Variants in RGS7 observed in about 807,000 individuals in gnomAD.
RGS7 encodes the protein regulator of G protein signaling 7, also known as regulator of G-protein signaling 7.
RGS7 carries 27 observed loss-of-function variants against 81.1 expected under a neutral mutation model. That is an observed-to-expected ratio of 0.33 (90% CI 0.25 to 0.46). The LOEUF (loss-of-function observed/expected upper bound fraction) is 0.46. RGS7 is among the 20% of genes least tolerant of loss of function. The pLI, the probability that RGS7 is intolerant of heterozygous loss-of-function variation, is 1.00. For missense variants in RGS7, 396 were observed against 607.4 expected, an observed-to-expected ratio of 0.65 and a Z score of 3.66; for synonymous variants, 208 against 207.7, an observed-to-expected ratio of 1.00 and a Z score of -0.01.
chr1:241,025,130 A>G (rs943492144), intron 3 of RGS7, among the ~76,000 whole-genome samples: 1 of 152,188 alleles, frequency 6.6e-6, no homozygotes, highest in Non-Finnish European at 1.5e-5. Flanking sequence ...TGAAAGGCAA[A>G]GTATTTTAGG....
chr1:241,322,433 G>T (rs910642830), intron 2 of RGS7, among the ~76,000 whole-genome samples: 2 of 152,178 alleles, frequency 1.3e-5, no homozygotes, highest in African/African-American at 4.8e-5. Flanking sequence ...CTCTTTAACT[G>T]ATACTAAAAG....
At chr1:240,949,611 G>A (rs935857713) in intron 4 of RGS7, among the ~76,000 whole-genome samples, 7 of 152,116 alleles carry the variant, frequency 4.6e-5, no homozygotes, top group Non-Finnish European at 8.8e-5. Flanking sequence ...ATTTTGGGAG[G>A]CCAAGGTGGG....
chr1:241,121,457 CAAT>C (rs1201317630), intron 2 of RGS7, among the ~76,000 whole-genome samples: 1 of 152,056 alleles, frequency 6.6e-6, no homozygotes, highest in East Asian at 1.9e-4. Context: ...AGAGCAGCAA[CAAT>C]AAAATCATCA....
intron 3 of RGS7, among the ~76,000 whole-genome samples, chr1:241,085,282 T>C (rs1184203040): frequency 2.6e-5 from 4 of 152,204 alleles, no homozygotes; most frequent in Admixed American, 6.5e-5. Flanking sequence ...GCTGGTTAAG[T>C]ATGTTTCATT....
chr1:240,958,754 C>T (rs111754965), intron 4 of RGS7, among the ~76,000 whole-genome samples: 1 of 152,198 alleles, frequency 6.6e-6, no homozygotes, highest in African/African-American at 2.4e-5. Flanking sequence ...AAGCTTCCTT[C>T]TTGCTTTTCT....
chr1:240,977,342 C>A lies in RGS7; in HGVS notation c.226+5737G>T, dbSNP rs193295106. Among the ~76,000 whole-genome samples the A allele has an allele frequency of 8.5e-4, 130 of 152,244 alleles. 1 individual carries two copies. Among genetic ancestry groups the A allele is most frequent in the African/African-American group, 2.8e-3 (116 of 41,528 alleles). ...CCACAGTCCAATTGTAAGACTAATG[C>A]AATTTATTCTGTGTTTTGCATTTGC... On this transcript the variant is annotated intron_variant, in intron 4 of 18. Transcript: ENST00000440928.
chr1:241,029,892 T>C (rs188515447), intron 3 of RGS7, among the ~76,000 whole-genome samples: 5 of 152,344 alleles, frequency 3.3e-5, no homozygotes, highest in African/African-American at 1.2e-4. Context: ...TTTTCAGTGA[T>C]ATTTGCCTTT....
chr1:241,207,448 G>A (rs1449127962), intron 2 of RGS7, among the ~76,000 whole-genome samples: 2 of 151,310 alleles, frequency 1.3e-5, no homozygotes, highest in Non-Finnish European at 1.5e-5. Context: ...ATTCAGTGAA[G>A]GTTTACTAAA....
At chr1:241,008,083 T>G (rs954830371) in intron 3 of RGS7, among the ~76,000 whole-genome samples, 1 of 152,176 alleles carries the variant, frequency 6.6e-6, no homozygotes, top group South Asian at 2.1e-4. Context: ...GGGACCTGTA[T>G]GCAAAGATCC....
chr1:240,894,643 T>G (rs1214876095), intron 6 of RGS7, among the ~76,000 whole-genome samples: 1 of 151,170 alleles, frequency 6.6e-6, no homozygotes, highest in African/African-American at 2.4e-5. Context: ...TCCTGATTTT[T>G]TTTTCTAATA....
At chr1:241,291,839 G>A (rs1468187817) in intron 2 of RGS7, among the ~76,000 whole-genome samples, 3 of 152,150 alleles carry the variant, frequency 2.0e-5, no homozygotes, top group East Asian at 3.9e-4. Context: ...GCCTCAAAGT[G>A]CTGGGATTAC....
chr1:240,935,228 T>A (rs1020883693), intron 5 of RGS7, among the ~76,000 whole-genome samples: 4 of 152,118 alleles, frequency 2.6e-5, no homozygotes, highest in Admixed American at 6.5e-5. Context: ...TGAGCATGAC[T>A]AAGACATGTA....
intron 6 of RGS7, chr1:240,920,257 G>A: frequency 2.4e-6 from 3 of 1,261,176 alleles, no homozygotes; most frequent in Non-Finnish European, 3.4e-6. Flanking sequence ...GGAAACTTTG[G>A]TGGTGATCGT....
chr1:241,082,064 C>T (rs1252842701), intron 3 of RGS7, among the ~76,000 whole-genome samples: 2 of 152,084 alleles, frequency 1.3e-5, no homozygotes, highest in Non-Finnish European at 1.5e-5. Flanking sequence ...AAAGAATTTT[C>T]CCTTTATGGA....
intron 6 of RGS7, among the ~76,000 whole-genome samples, chr1:240,888,313 G>A (rs1572610915): frequency 1.3e-5 from 2 of 152,180 alleles, no homozygotes; most frequent in African/African-American, 2.4e-5. Context: ...TCCTAAAACA[G>A]TAAAGGGGTC....
intron 4 of RGS7, among the ~76,000 whole-genome samples, chr1:240,973,450 C>G (rs372077693): frequency 1.1e-4 from 17 of 151,206 alleles, no homozygotes; most frequent in Admixed American, 3.9e-4. Flanking sequence ...GCTGAGGTTA[C>G]AGTGAGCCGA....
intron 2 of RGS7, among the ~76,000 whole-genome samples, chr1:241,350,388 T>C (rs2083162079): frequency 1.3e-5 from 2 of 152,172 alleles, no homozygotes. Flanking sequence ...ACACTCCATT[T>C]AAAAATTTTT....
chr1:240,929,956 T>C (rs1370675538), intron 6 of RGS7, among the ~76,000 whole-genome samples: 1 of 152,258 alleles, frequency 6.6e-6, no homozygotes, highest in African/African-American at 2.4e-5. Flanking sequence ...ATGGTGTCAA[T>C]GAACTCAGTC....
chr1:241,242,282 T>C (rs2076296207), intron 2 of RGS7, among the ~76,000 whole-genome samples: 1 of 150,452 alleles, frequency 6.6e-6, no homozygotes, highest in Non-Finnish European at 1.5e-5. Context: ...CAAATGCCAT[T>C]ATTCCGTTCC....
Sources: allele counts gnomAD v4.1 joint callset (sites outside exome capture counted in the v4.1 genomes callset), GRCh38; gene constraint gnomAD v4.1.1; transcripts MANE v1.5; gene names NCBI Gene and HGNC (gene_info 2026-07-23, HGNC 2026-07-21).